WWOX: variants seen among roughly 807,000 people sequenced by gnomAD.
WWOX encodes the protein WW domain containing oxidoreductase, also known as WW domain-containing oxidoreductase.
Under a neutral mutation model 46.2 loss-of-function variants are expected in WWOX, and 69 were observed. That is an observed-to-expected ratio of 1.49 (90% CI 1.23 to 1.82). The LOEUF is 1.82. Ranked by LOEUF, WWOX falls within the 40% of genes most tolerant of loss-of-function variation. WWOX has a pLI of 0.00. For missense variants in WWOX, 919 were observed against 542.6 expected (o/e 1.69, Z -6.89); for synonymous variants, 359 against 202.6 (o/e 1.77, Z -6.56).
At chr16:78,572,044 G>C (rs903024081) in intron 8 of WWOX, among the ~76,000 whole-genome samples, 1 of 152,180 alleles carries the variant, frequency 6.6e-6, no homozygotes, top group Non-Finnish European at 1.5e-5. Context: ...ACGTAATAAA[G>C]TAGTACTTAG....
intron 6 of WWOX, among the ~76,000 whole-genome samples, chr16:78,396,759 C>T (rs941899638): frequency 2.0e-5 from 3 of 152,212 alleles, no homozygotes; most frequent in Admixed American, 1.3e-4. Flanking sequence ...GTCTCTGCGG[C>T]AACCATTCAA....
intron 8 of WWOX, among the ~76,000 whole-genome samples, chr16:78,576,613 A>G (rs903837851): frequency 3.3e-5 from 5 of 152,270 alleles, no homozygotes; most frequent in East Asian, 1.9e-4. Flanking sequence ...CAGGAGCATC[A>G]CTTGAGGCCA....
chr16:78,762,235 C>G (rs751000602), intron 8 of WWOX, among the ~76,000 whole-genome samples: 1 of 152,184 alleles, frequency 6.6e-6, no homozygotes, highest in Non-Finnish European at 1.5e-5. Context: ...GCAGCTGTGT[C>G]TTAAGACTGT....
intron 8 of WWOX, among the ~76,000 whole-genome samples, chr16:78,913,139 A>T (rs1237737763): frequency 6.6e-6 from 1 of 151,860 alleles, no homozygotes; most frequent in Admixed American, 6.6e-5. Context: ...AAAGATTTTG[A>T]TTTCGATCAT....
At chr16:78,228,925 G>A (rs530120501) in intron 5 of WWOX, among the ~76,000 whole-genome samples, 6 of 152,174 alleles carry the variant, frequency 3.9e-5, no homozygotes, top group East Asian at 3.9e-4. Context: ...GTGATTATGC[G>A]GAAGGTCAAA....
chr16:78,691,116 C>T (rs1597450926), intron 8 of WWOX: 9 of 633,694 alleles, frequency 1.4e-5, no homozygotes, highest in South Asian at 3.7e-5. Flanking sequence ...GAATACCAGT[C>T]GTTATTGCTT....
chr16:78,862,003 G>T (rs576501350), intron 8 of WWOX, among the ~76,000 whole-genome samples: 1 of 152,228 alleles, frequency 6.6e-6, no homozygotes, highest in Admixed American at 6.5e-5. Flanking sequence ...CTATATGTGT[G>T]TGTGTATCTA....
At chr16:78,379,090 G>C (rs2081895873) in intron 5 of WWOX, among the ~76,000 whole-genome samples, 1 of 152,140 alleles carries the variant, frequency 6.6e-6, no homozygotes, top group Admixed American at 6.5e-5. Context: ...CTGTAAAATG[G>C]GGAAAATTAT....
In WWOX at chr16:78,213,072, G is replaced by A. The variant is rs201307037; in HGVS notation, c.516+48783G>A. Among the ~76,000 whole-genome samples the A allele has an allele frequency of 7.9e-5, 12 of 151,966 alleles. No homozygotes were observed. The East Asian group carries it at 2.1e-3, about 27-fold the overall frequency. On this transcript the variant is annotated intron_variant, in intron 5 of 8. Coordinates refer to ENST00000566780, the MANE Select transcript of WWOX (RefSeq NM_016373.4). Reference sequence around the variant, plus strand: ...GTTCGAGACCAGCCTGGCCAATATGGTGAAACTCCATGTCTACTAATAACA... The same window carrying A: ...GTTCGAGACCAGCCTGGCCAATATGATGAAACTCCATGTCTACTAATAACA...
intron 8 of WWOX, among the ~76,000 whole-genome samples, chr16:78,953,764 G>C (rs867630134): frequency 7.2e-5 from 11 of 152,304 alleles, no homozygotes; most frequent in African/African-American, 2.6e-4. Flanking sequence ...TTTCAAAGTC[G>C]AGCCAGACGT....
At chr16:78,920,641 C>A (rs1371134498) in intron 8 of WWOX, among the ~76,000 whole-genome samples, 1 of 152,100 alleles carries the variant, frequency 6.6e-6, no homozygotes, top group Non-Finnish European at 1.5e-5. Flanking sequence ...AGGTACCTGA[C>A]CTGCTTGATT....
At chr16:79,132,466 G>C (rs558605140) in intron 8 of WWOX, among the ~76,000 whole-genome samples, 1 of 152,224 alleles carries the variant, frequency 6.6e-6, no homozygotes, top group South Asian at 2.1e-4. Flanking sequence ...TAAAATAATG[G>C]TACTTATTTG....
chr16:78,561,083 C>T (rs1459542833), intron 8 of WWOX, among the ~76,000 whole-genome samples: 1 of 152,178 alleles, frequency 6.6e-6, no homozygotes, highest in African/African-American at 2.4e-5. Flanking sequence ...ATTCAGGATG[C>T]TGGCAGGATT....
chr16:78,723,966 C>A (rs912264730), intron 8 of WWOX, among the ~76,000 whole-genome samples: 1 of 152,170 alleles, frequency 6.6e-6, no homozygotes, highest in Non-Finnish European at 1.5e-5. Flanking sequence ...ATCCATCCCC[C>A]CATGGCCTCC....
rs112515112 is a variant in WWOX, at chr16:79,006,848, T to C, written c.1057-204760T>C. Among the ~76,000 whole-genome samples, 466 of 152,264 alleles carry C rather than the reference T, an allele frequency of 3.1e-3. 1 individual carries two copies. Among genetic ancestry groups the C allele is most frequent in the Non-Finnish European group, 5.5e-3 (371 of 68,032 alleles). ...TTTCTCATGCTGGCATCCTTCTGGC[T>C]CTCTCTTCAGATTCCCTCTTCCGCT... On this transcript the variant is annotated intron_variant, in intron 8 of 8. Transcript: ENST00000566780.
At chr16:78,596,915 C>A (rs548585642) in intron 8 of WWOX, among the ~76,000 whole-genome samples, 3 of 152,156 alleles carry the variant, frequency 2.0e-5, no homozygotes, top group Non-Finnish European at 4.4e-5. Context: ...GCCCCACACT[C>A]TCTTGATGCT....
rs934928615 is a variant in WWOX at position 78,388,832 on chromosome 16, G to A, written c.605+1884G>A. Among the ~76,000 whole-genome samples, 38 of 149,192 alleles carry A rather than the reference G, an allele frequency of 2.5e-4. 1 individual carries two copies. Among genetic ancestry groups the A allele is most frequent in the Middle Eastern group, 3.9e-3 (1 of 254 alleles). On this transcript the variant is annotated intron_variant, in intron 6 of 8. Transcript: ENST00000566780. ...TAAAAATGCAAAATTAACTGGGCGGGGAGGCACATGCCTGTAATCCCAGCT... is the reference window on the plus strand; with the variant it reads ...TAAAAATGCAAAATTAACTGGGCGGAGAGGCACATGCCTGTAATCCCAGCT...
At chr16:78,233,094 C>G (rs2037321524) in intron 5 of WWOX, among the ~76,000 whole-genome samples, 1 of 152,094 alleles carries the variant, frequency 6.6e-6, no homozygotes, top group Non-Finnish European at 1.5e-5. Flanking sequence ...AAAGAAATAC[C>G]CATTATTTTG....
chr16:78,936,435 CTT>C (rs1459198505), intron 8 of WWOX, among the ~76,000 whole-genome samples: 1 of 152,110 alleles, frequency 6.6e-6, no homozygotes, highest in Admixed American at 6.6e-5. Flanking sequence ...CTCTAGAGCT[CTT>C]TTCTCTGTAG....
Sources: allele counts gnomAD v4.1 joint callset (sites outside exome capture counted in the v4.1 genomes callset), GRCh38; gene constraint gnomAD v4.1.1; transcripts MANE v1.5; gene names NCBI Gene and HGNC (gene_info 2026-07-23, HGNC 2026-07-21).